GRIK3: variants seen among roughly 807,000 people sequenced by gnomAD.
GRIK3 encodes the protein glutamate ionotropic receptor kainate type subunit 3, also known as glutamate receptor ionotropic, kainate 3.
GRIK3 carries 29 observed loss-of-function variants against 102.5 expected under a neutral mutation model. That is an observed-to-expected ratio of 0.28 (90% CI 0.21 to 0.39). GRIK3 has a LOEUF of 0.39. Among genes scored for constraint, GRIK3 ranks in the 10% least tolerant of loss-of-function variants. The pLI, the probability that GRIK3 is intolerant of heterozygous loss-of-function variation, is 1.00. For synonymous variants in GRIK3, 511 were observed against 504.9 expected, an observed-to-expected ratio of 1.01 and a Z score of -0.16; for missense variants, 908 against 1,252.4, an observed-to-expected ratio of 0.73 and a Z score of 4.15.
chr1:36,957,874 C>G (rs145854697), intron 1 of GRIK3, among the ~76,000 whole-genome samples: 16,554 of 61,458 alleles, frequency 0.27, 2,721 homozygotes, highest in African/African-American at 0.4. Flanking sequence ...TGCCCCGTGA[C>G]TCTGTGCCCC....
intron 1 of GRIK3, among the ~76,000 whole-genome samples, chr1:36,950,971 C>A (rs1237464885): frequency 6.6e-6 from 1 of 152,126 alleles, no homozygotes; most frequent in African/African-American, 2.4e-5. Context: ...CAGACTGGGG[C>A]CCCAGGTTTT....
At chr1:36,961,492 G>T (rs888140276) in intron 1 of GRIK3, among the ~76,000 whole-genome samples, 3 of 152,212 alleles carry the variant, frequency 2.0e-5, no homozygotes, top group Non-Finnish European at 4.4e-5. Flanking sequence ...ACTGAGAGGG[G>T]TGGCTCTCAG....
At chr1:36,876,528 A>G (rs1048227880) in intron 3 of GRIK3, among the ~76,000 whole-genome samples, 2 of 152,192 alleles carry the variant, frequency 1.3e-5, no homozygotes, top group African/African-American at 4.8e-5. Context: ...AAATCATCCC[A>G]GGAAAGGCCC....
chr1:37,004,337 G>GATAT (rs1642509639), intron 1 of GRIK3, among the ~76,000 whole-genome samples: 1 of 152,172 alleles, frequency 6.6e-6, no homozygotes, highest in African/African-American at 2.4e-5. Flanking sequence ...TGCATAAAAG[G>GATAT]GCTTTGAAAA....
intron 1 of GRIK3, among the ~76,000 whole-genome samples, chr1:36,994,604 T>C (rs147049984): frequency 6.6e-6 from 1 of 152,328 alleles, no homozygotes; most frequent in Non-Finnish European, 1.5e-5. Flanking sequence ...AACTCTCCTT[T>C]TGTGAGTTGG....
intron 1 of GRIK3, among the ~76,000 whole-genome samples, chr1:36,995,603 G>C (rs1642411645): frequency 1.3e-5 from 2 of 152,098 alleles, no homozygotes; most frequent in South Asian, 4.1e-4. Flanking sequence ...TTCCATCCTT[G>C]GAATGTGTCT....
chr1:36,869,772 G>A lies in GRIK3; in HGVS notation c.762C>T (p.Tyr254=). The stretch of plus-strand genomic sequence containing the variant: ...CCAGAGTGGTGAAGATGAAGTGGTA[G>A]TACTCAGTCATCATGCCCATGGCCA... ...QAMAMGMMTE[Y]YHFIFTTLDL... The change falls in exon 5 of 16, where the codon TAC becomes TAT. Residue 254 remains tyrosine, a synonymous_variant. Transcript: ENST00000373091. The A allele has an allele frequency of 6.2e-7, 1 of 1,612,608 alleles. No homozygotes were observed. Among genetic ancestry groups the A allele is most frequent in the Admixed American group, 1.7e-5 (1 of 60,030 alleles).
At chr1:36,823,529 G>A (rs1165296481) in intron 11 of GRIK3, among the ~76,000 whole-genome samples, 4 of 143,462 alleles carry the variant, frequency 2.8e-5, no homozygotes, top group Admixed American at 7.0e-5. Context: ...CAGAAAAACC[G>A]TGAGATGTCA....
chr1:36,914,703 C>T (rs932584474), intron 1 of GRIK3, among the ~76,000 whole-genome samples: 6 of 152,236 alleles, frequency 3.9e-5, no homozygotes, highest in African/African-American at 1.4e-4. Context: ...AACGGTGAAA[C>T]TATTTGATCT....
At chr1:36,881,016 G>C in intron 2 of GRIK3, 125 bp from the exon 3 acceptor site, 1 of 996,608 alleles carries the variant, frequency 1.0e-6, no homozygotes. Context: ...GGTGCACAAT[G>C]GATGAGCTCT....
chr1:37,018,248 C>G lies in GRIK3; in HGVS notation c.115+15746G>C, dbSNP rs951618165. 2.0e-5 allele frequency among the ~76,000 whole-genome samples: 3 copies of G among 152,188 alleles called. No homozygotes were observed. The South Asian group carries it at 6.2e-4, about 32-fold the overall frequency. ...CACGGTGGGCAAAACAGGCCTGGTT[C>G]GGTAACACCAGAATCTGGCCCATAA... On this transcript the variant is annotated intron_variant, in intron 1 of 15. Coordinates refer to ENST00000373091, the MANE Select transcript of GRIK3 (RefSeq NM_000831.4).
chr1:36,891,999 C>T (rs1191625801), intron 1 of GRIK3, among the ~76,000 whole-genome samples: 1 of 151,930 alleles, frequency 6.6e-6, no homozygotes, highest in Non-Finnish European at 1.5e-5. Context: ...GAGAAGTGTG[C>T]AGTTCCAGTT....
chr1:36,898,353 T>A (rs1641196175), intron 1 of GRIK3, among the ~76,000 whole-genome samples: 1 of 152,196 alleles, frequency 6.6e-6, no homozygotes. Context: ...ATGTGATTAT[T>A]ACATATTGCA....
intron 1 of GRIK3, among the ~76,000 whole-genome samples, chr1:37,007,970 C>T (rs1039946373): frequency 1.1e-4 from 16 of 152,228 alleles, no homozygotes; most frequent in African/African-American, 3.9e-4. Flanking sequence ...TGCCCTGGAT[C>T]CTGCATTCCC....
chr1:36,872,500 G>T lies in GRIK3; in HGVS notation c.551-131C>A. The T allele has an allele frequency of 1.5e-6, 1 of 671,946 alleles. No homozygotes were observed. The highest frequency in any genetic ancestry group is 2.4e-6 in the Non-Finnish European group (1 of 411,494). 41.6% of individuals were successfully genotyped at this position (671,946 alleles called of 1,614,324 possible). On this transcript the variant is annotated intron_variant, in intron 3 of 15. Coordinates refer to ENST00000373091, the MANE Select transcript of GRIK3 (RefSeq NM_000831.4). This position sits in a 1 kb window ranked among gnomAD's most constrained non-coding sequence, Gnocchi z 5.9. ...GCAGACATACACGGGCAGAAACGTG[G>T]CCCACAGAGACTTGTGCACGTGCAT...
chr1:37,003,735 G>A (rs771645152), intron 1 of GRIK3, among the ~76,000 whole-genome samples: 1 of 152,174 alleles, frequency 6.6e-6, no homozygotes, highest in Non-Finnish European at 1.5e-5. Context: ...AGCCCCTTGG[G>A]TGGGTACTAG....
chr1:36,970,926 C>T (rs1289795967), intron 1 of GRIK3, among the ~76,000 whole-genome samples: 2 of 152,174 alleles, frequency 1.3e-5, no homozygotes, highest in East Asian at 3.9e-4. Flanking sequence ...GACCATTGGG[C>T]CAGTCCAGTA....
chr1:36,998,870 G>C (rs149785535), intron 1 of GRIK3, among the ~76,000 whole-genome samples: 2 of 152,276 alleles, frequency 1.3e-5, no homozygotes, highest in African/African-American at 4.8e-5. Flanking sequence ...AAAGCCCAAG[G>C]GGCTTCTGAG....
Position 36,859,250 on chromosome 1 carries a change from G to T in GRIK3, c.962C>A (p.Thr321Asn), listed in dbSNP as rs1388858616. 1 of 1,605,048 alleles carries T rather than the reference G, an allele frequency of 6.2e-7. No individual in the cohort carries two copies. The highest frequency in any genetic ancestry group is 8.5e-7 in the Non-Finnish European group (1 of 1,173,334). ...GGCGTCGTACAGTAAGGCTGCATCA[G>T]TCTGCAGGGAAGGGCCTGCCTGAGA... ...ESGLLDGVMM[T>N]DAALLYDAVH... Residue 321 changes from threonine to asparagine, a missense_variant and splice_region_variant, in exon 7 of 16, where the codon ACT (threonine) becomes AAT (asparagine). This residue lies in a region of GRIK3 where 585 missense variants were observed against 824.9 expected (regional missense o/e 0.71). Transcript: ENST00000373091.
Sources: allele counts gnomAD v4.1 joint callset (sites outside exome capture counted in the v4.1 genomes callset), GRCh38; gene constraint gnomAD v4.1.1; regional missense constraint gnomAD v4.1.1; non-coding constraint Gnocchi (gnomAD v3.1); transcripts MANE v1.5; gene names NCBI Gene and HGNC (gene_info 2026-07-23, HGNC 2026-07-21).